The following MGA variants were observed in gnomAD, a reference collection of about 807,000 sequenced individuals.
MGA encodes the protein MAX gene-associated protein.
MGA carries 40 observed loss-of-function variants against 261.1 expected under a neutral mutation model. The ratio of observed to expected loss-of-function variants is 0.15; its 90% confidence interval spans 0.12 to 0.20. MGA has a LOEUF of 0.20. MGA is among the 10% of genes least tolerant of loss of function. The pLI is 1.00. For synonymous variants in MGA, 1,302 were observed against 1,290.6 expected, an observed-to-expected ratio of 1.01 and a Z score of -0.19; for missense variants, 3,397 against 3,630.5, an observed-to-expected ratio of 0.94 and a Z score of 1.65.
At chr15:41,745,623 C>G (rs908782824) in intron 15 of MGA, among the ~76,000 whole-genome samples, 6 of 151,848 alleles carry the variant, frequency 4.0e-5, no homozygotes, top group African/African-American at 1.5e-4. Flanking sequence ...TAGAGAGAGA[C>G]AGACAGGGTC....
chr15:41,739,141 AAAG>A (rs1215106604), intron 13 of MGA, among the ~76,000 whole-genome samples: 6 of 152,156 alleles, frequency 3.9e-5, no homozygotes, highest in Non-Finnish European at 8.8e-5. Flanking sequence ...AAAAAAAAGA[AAAG>A]AAATCAACCC....
In MGA at chr15:41,754,490, T is replaced by C. The variant is rs1372235335; in HGVS notation, c.7062T>C (p.Thr2354=). 2.6e-6 allele frequency: 4 copies of C among 1,568,576 alleles called. No homozygotes were observed. Among genetic ancestry groups the C allele is most frequent in the Middle Eastern group, 1.7e-4 (1 of 6,006 alleles). Residue 2354 remains threonine, a synonymous_variant, in exon 18 of 24, where the codon ACT becomes ACC. Coordinates refer to ENST00000219905, the MANE Select transcript of MGA (RefSeq NM_001164273.2). ...ATGAGGAGCACGTGGACATTGAGAC[T>C]GTAGAAGAGCTCTCAGAGGAAATTA...
chr15:41,730,673 CAT>C (rs1369579993), intron 11 of MGA, among the ~76,000 whole-genome samples: 1 of 152,146 alleles, frequency 6.6e-6, no homozygotes, highest in Admixed American at 6.5e-5. Flanking sequence ...ATAATAAAGA[CAT>C]ATGTGCACAC....
At chr15:41,733,723 G>A (rs952086435) in intron 11 of MGA, among the ~76,000 whole-genome samples, 5 of 152,228 alleles carry the variant, frequency 3.3e-5, no homozygotes, top group African/African-American at 1.2e-4. Context: ...TCAAACATAC[G>A]CATATATATA....
chr15:41,746,311 A>T (rs901201531), intron 15 of MGA, among the ~76,000 whole-genome samples: 1 of 152,034 alleles, frequency 6.6e-6, no homozygotes, highest in South Asian at 2.1e-4. Context: ...GAGGCTGAGG[A>T]GGATGGATCA....
chr15:41,762,025 C>A, intron 21 of MGA, 104 bp from the exon 22 acceptor site: 1 of 1,088,190 alleles, frequency 9.2e-7, no homozygotes, highest in Non-Finnish European at 1.3e-6. Flanking sequence ...CCTTACTTTC[C>A]ATAGTTTTTG....
At chr15:41,701,343 T>C (rs1309530719) in intron 5 of MGA, among the ~76,000 whole-genome samples, 1 of 152,218 alleles carries the variant, frequency 6.6e-6, no homozygotes, top group Non-Finnish European at 1.5e-5. Flanking sequence ...ATCTTAGTTC[T>C]AGAGTTAAAT....
intron 7 of MGA, among the ~76,000 whole-genome samples, chr15:41,709,385 C>T (rs1052070169): frequency 1.3e-5 from 2 of 152,048 alleles, no homozygotes; most frequent in Non-Finnish European, 2.9e-5. Flanking sequence ...TTTTACACGC[C>T]TCTTCTTGTG....
intron 1 of MGA, among the ~76,000 whole-genome samples, chr15:41,644,926 C>T (rs1366477390): frequency 6.6e-6 from 1 of 151,738 alleles, no homozygotes; most frequent in Non-Finnish European, 1.5e-5. Flanking sequence ...GGCCAAGAGG[C>T]AAAATAGGGT....
At chr15:41,762,722 G>A (rs1038695357) in intron 22 of MGA, among the ~76,000 whole-genome samples, 1 of 151,882 alleles carries the variant, frequency 6.6e-6, no homozygotes, top group East Asian at 1.9e-4. Context: ...ACCCGCCTTG[G>A]CCTCCCAAAG....
intron 1 of MGA, among the ~76,000 whole-genome samples, chr15:41,661,409 A>G (rs1358347044): frequency 2.0e-5 from 3 of 150,544 alleles, no homozygotes; most frequent in Non-Finnish European, 4.4e-5. Context: ...TGGGGAAACT[A>G]GGGATCGTTT....
At position 41,768,513 on chromosome 15, in the gene MGA, T is replaced by C. The variant is rs1245016798; in HGVS notation, c.*1233T>C. ...TAGTTTGTAAATAATCATGGTGCAC[T>C]TGAGGGGTCTCTTGGAAACTCCTAG... On this transcript the variant is annotated 3_prime_UTR_variant, in exon 24 of 24. Transcript: ENST00000219905. 1 of 152,640 alleles carries C rather than the reference T, an allele frequency of 6.6e-6. No homozygotes were observed. Among genetic ancestry groups the C allele is most frequent in the Non-Finnish European group, 1.5e-5 (1 of 68,042 alleles). 9.5% of individuals were successfully genotyped at this position (152,640 alleles called of 1,614,324 possible). A position where few individuals can be genotyped will look rare whatever the true frequency, so the allele number is the denominator to read the frequency against.
In MGA at chr15:41,696,243, G is replaced by A. The variant is rs570957632; in HGVS notation, c.1233G>A (p.Thr411=). Reference sequence around the variant, plus strand: ...AACAGGAAGAGACAGATGAAGAGACGGATGTATACTCAAACAGTGATGATG... The same window carrying A: ...AACAGGAAGAGACAGATGAAGAGACAGATGTATACTCAAACAGTGATGATG... The change falls in exon 3 of 24, where the codon ACG becomes ACA. Residue 411 remains threonine (T), a synonymous_variant. Transcript: ENST00000219905. 2.3e-5 allele frequency: 37 copies of A among 1,613,892 alleles called. No individual in the cohort carries two copies. The highest frequency in any genetic ancestry group is 2.9e-5 in the Non-Finnish European group (34 of 1,179,886).
chr15:41,658,389 T>C (rs1042040143), upstream of MGA, among the ~76,000 whole-genome samples: 3 of 152,194 alleles, frequency 2.0e-5, no homozygotes, highest in African/African-American at 7.2e-5. Flanking sequence ...CCAAGAACTT[T>C]AGTATGAGAA....
chr15:41,713,173 T>G lies in MGA; in HGVS notation c.3107T>G (p.Ile1036Ser). Reference sequence around the variant, plus strand: ...TAGGCATCCCTCAAAACTAAACCTATCCACACAATCATAAGGAAACGAGCC... The same window carrying G: ...TAGGCATCCCTCAAAACTAAACCTAGCCACACAATCATAAGGAAACGAGCC... The change falls in exon 9 of 24, where the codon ATC becomes AGC. Residue 1036 changes from isoleucine (I) to serine (S), a missense_variant. Coordinates refer to ENST00000219905, the MANE Select transcript of MGA (RefSeq NM_001164273.2). 5 of 1,613,182 alleles carry G rather than the reference T, an allele frequency of 3.1e-6. No homozygotes were observed. The highest frequency in any genetic ancestry group is 4.2e-6 in the Non-Finnish European group (5 of 1,179,776).
At position 41,766,348 on chromosome 15, in the gene MGA, T is replaced by A. The variant is rs1211737491; in HGVS notation, c.8266T>A (p.Tyr2756Asn). The change falls in exon 24 of 24, where the codon TAT (tyrosine) becomes AAT (asparagine). Residue 2756 changes from tyrosine (Y) to asparagine (N), a missense_variant. Transcript: ENST00000219905. ...TTCTGGTGATATGAGAGGGATTCAG[T>A]ATAAATGGAAAGAGAGTGAATCAAG... 1 of 1,613,888 alleles carries A rather than the reference T, an allele frequency of 6.2e-7. No individual in the cohort carries two copies. The highest frequency in any genetic ancestry group is 8.5e-7 in the Non-Finnish European group (1 of 1,179,844).
intron 1 of MGA, among the ~76,000 whole-genome samples, chr15:41,646,151 C>T (rs1374172338): frequency 1.3e-5 from 2 of 152,062 alleles, no homozygotes; most frequent in Non-Finnish European, 2.9e-5. Flanking sequence ...TCTGGATATA[C>T]AATTCTTTGG....
rs375801764 is a variant in MGA at position 41,750,146 on chromosome 15, G to T, written c.6539G>T (p.Gly2180Val). Residue 2180 changes from glycine (G) to valine (V), a missense_variant, in exon 17 of 24, where the codon GGC (glycine) becomes GTC (valine). Physicochemically the swap from Gly to Val is moderately radical, Grantham distance 109 (BLOSUM62 -3). Around this residue, in one of 9 missense-constraint regions of MGA, gnomAD observed 1,410 missense variants for 1,386.4 expected, o/e 1.02. Coordinates refer to ENST00000219905, the MANE Select transcript of MGA (RefSeq NM_001164273.2). Reference sequence around the variant, plus strand: ...GAAAGATGGAGAAAACATCTGAAGGGCCCCTTAACCAGGAAATGTGTTGGA... The same window carrying T: ...GAAAGATGGAGAAAACATCTGAAGGTCCCCTTAACCAGGAAATGTGTTGGA... 9 of 1,613,804 alleles carry T rather than the reference G, an allele frequency of 5.6e-6. No individual in the cohort carries two copies. Among genetic ancestry groups the T allele is most frequent in the Non-Finnish European group, 7.6e-6 (9 of 1,179,878 alleles).
intron 1 of MGA, among the ~76,000 whole-genome samples, chr15:41,653,164 C>T (rs968426877): frequency 1.3e-5 from 2 of 151,964 alleles, no homozygotes; most frequent in South Asian, 2.1e-4. Context: ...GTCAGGAGTT[C>T]GAGACCAGCC....
Sources: allele counts gnomAD v4.1 joint callset (sites outside exome capture counted in the v4.1 genomes callset), GRCh38; gene constraint gnomAD v4.1.1; regional missense constraint gnomAD v4.1.1; transcripts MANE v1.5; gene names NCBI Gene and HGNC (gene_info 2026-07-23, HGNC 2026-07-21).